Variants in SEZ6L2 observed in about 807,000 individuals in gnomAD.
The protein encoded by SEZ6L2 is seizure related 6 homolog like 2.
SEZ6L2 carries 44 observed loss-of-function variants against 97.0 expected under a neutral mutation model. The observed-to-expected ratio is 0.45, with a 90% CI of 0.36 to 0.58. The LOEUF is 0.58. Among genes scored for constraint, SEZ6L2 ranks in the 20% least tolerant of loss-of-function variants. The probability of loss-of-function intolerance (pLI) is 0.00; values close to 1 mark genes in which losing one functional copy is unlikely to be tolerated. For missense variants in SEZ6L2, 1,086 were observed against 1,233.3 expected (o/e 0.88, Z 1.79); for synonymous variants, 543 against 546.1 (o/e 0.99, Z 0.08).
chr16:29,872,137 G>C, intron 17 of SEZ6L2, 50 bp downstream of exon 17: 1 of 1,428,454 alleles, frequency 7.0e-7, no homozygotes, highest in Non-Finnish European at 9.6e-7. Flanking sequence ...AGGTTATGGA[G>C]TCCTGGGAGA....
chr16:29,882,834 G>T (rs1034022718), intron 8 of SEZ6L2, among the ~76,000 whole-genome samples: 2 of 151,962 alleles, frequency 1.3e-5, no homozygotes, highest in Admixed American at 6.6e-5. Context: ...AGGCTCAAGT[G>T]ATCCTCCCAT....
Position 29,871,505 on chromosome 16 carries a change from G to A in SEZ6L2, c.*194C>T. ...CTCGTTTGGCAACTGAGAAGAGGCG[G>A]CTTTGGGCGGCAGGATGCTGGTTTA... is the stretch of plus-strand genomic sequence containing the variant. On this transcript the variant is annotated 3_prime_UTR_variant, in exon 18 of 18. Transcript: ENST00000617533. 1.6e-6 allele frequency: 1 copy of A among 642,476 alleles called. No individual in the cohort carries two copies. The highest frequency in any genetic ancestry group is 2.8e-6 in the Non-Finnish European group (1 of 355,956). 39.8% of individuals were successfully genotyped at this position (642,476 alleles called of 1,614,324 possible). A position where few individuals can be genotyped will look rare whatever the true frequency, so the allele number is the denominator to read the frequency against.
intron 16 of SEZ6L2, 54 bp from the exon 17 acceptor site, chr16:29,872,337 C>T: frequency 1.2e-6 from 2 of 1,602,042 alleles, no homozygotes; most frequent in Non-Finnish European, 8.5e-7. Context: ...CCTGAGCTCC[C>T]CTGACCCAGG....
rs765978010 is a variant in SEZ6L2, at chr16:29,888,527, G to A, written c.1039+13C>T. ...CAGAACAGATGCCCCACCCACTGTG[G>A]CAGGAGACTCACCCATGCAGCTGGG... On this transcript the variant is annotated intron_variant, in intron 6 of 17. Transcript: ENST00000617533. 6.2e-7 allele frequency: 1 copy of A among 1,611,364 alleles called. No individual in the cohort carries two copies. Among genetic ancestry groups the A allele is most frequent in the Non-Finnish European group, 8.5e-7 (1 of 1,178,278 alleles).
chr16:29,876,140 G>T lies in SEZ6L2; in HGVS notation c.2104+616C>A, dbSNP rs1046623668. On this transcript the variant is annotated intron_variant, in intron 12 of 17. Coordinates refer to ENST00000617533, the MANE Select transcript of SEZ6L2 (RefSeq NM_001243332.2). The surrounding 1 kb of genome is among the most constrained non-coding windows in gnomAD (Gnocchi z 6.5). The stretch of plus-strand genomic sequence containing the variant: ...AAGCCTCAGAAATGCTAAGTGCCTC[G>T]CCCAAAGTCACCCAGTGATCACCAC... Among the ~76,000 whole-genome samples, 4 of 151,982 alleles carry T rather than the reference G, an allele frequency of 2.6e-5. No homozygotes were observed. Among genetic ancestry groups the T allele is most frequent in the Non-Finnish European group, 4.4e-5 (3 of 67,998 alleles).
intron 10 of SEZ6L2, 72 bp downstream of exon 10, chr16:29,878,215 A>G: frequency 1.4e-6 from 2 of 1,462,462 alleles, no homozygotes; most frequent in Non-Finnish European, 1.8e-6. Context: ...CTCAGAATGC[A>G]GGCTACTGCA....
Position 29,873,501 on chromosome 16 carries a change from T to A in SEZ6L2, c.2296+37A>T. 6.2e-7 allele frequency: 1 copy of A among 1,613,964 alleles called. No homozygotes were observed. The highest frequency in any genetic ancestry group is 8.5e-7 in the Non-Finnish European group (1 of 1,179,932). ...CGGGGCAGACGGGCTCTCCCAGGGC[T>A]ACCCAGCCACCCTCCCAGGGTGTGC... On this transcript the variant is annotated intron_variant, in intron 13 of 17. Coordinates refer to ENST00000617533, the MANE Select transcript of SEZ6L2 (RefSeq NM_001243332.2). This position sits in a 1 kb window ranked among gnomAD's most constrained non-coding sequence, Gnocchi z 4.3.
chr16:29,877,482 A>C lies in SEZ6L2; in HGVS notation c.1713-15T>G, dbSNP rs1436283483. ...GCACATTCAATCTGCAGGGGGTGAGACCAGGCAATGGGGCGGGGCTGCGAC... is the reference window on the plus strand; with the variant it reads ...GCACATTCAATCTGCAGGGGGTGAGCCCAGGCAATGGGGCGGGGCTGCGAC... On this transcript the variant is annotated splice_polypyrimidine_tract_variant and intron_variant, in intron 10 of 17. Transcript: ENST00000617533. The C allele has an allele frequency of 6.4e-7, 1 of 1,566,390 alleles. No homozygotes were observed. The highest frequency in any genetic ancestry group is 1.2e-5 in the South Asian group (1 of 83,654).
chr16:29,895,914 C>G (rs2068377434), intron 3 of SEZ6L2, 54 bp from the exon 4 acceptor site: 5 of 1,548,856 alleles, frequency 3.2e-6, no homozygotes, highest in Non-Finnish European at 3.5e-6. Flanking sequence ...TTTGCCCTCC[C>G]AGCCAAGCAA....
intron 12 of SEZ6L2, among the ~76,000 whole-genome samples, chr16:29,874,914 A>G (rs2067872089): frequency 6.6e-6 from 1 of 151,862 alleles, no homozygotes; most frequent in African/African-American, 2.4e-5. Flanking sequence ...TTGCTCTGTC[A>G]CTCAAGCTGG....
intron 2 of SEZ6L2, among the ~76,000 whole-genome samples, chr16:29,897,613 G>T (rs1199626096): frequency 3.0e-5 from 4 of 132,502 alleles, no homozygotes; most frequent in African/African-American, 1.2e-4. Flanking sequence ...GTTTCTATGT[G>T]TCTGTTTTTC....
chr16:29,895,828 C>T lies in SEZ6L2; in HGVS notation c.544G>A (p.Gly182Arg). The T allele has an allele frequency of 1.2e-6, 2 of 1,613,876 alleles. No homozygotes were observed. Among genetic ancestry groups the T allele is most frequent in the South Asian group, 2.2e-5 (2 of 91,004 alleles). Residue 182 changes from glycine (G) to arginine (R), a missense_variant, in exon 4 of 18, where the codon GGG becomes AGG. Gly to Arg is a moderately radical substitution (Grantham distance 125, BLOSUM62 -2). Around this residue, in one of 2 missense-constraint regions of SEZ6L2, gnomAD observed 776 missense variants for 794.7 expected, o/e 0.98. Coordinates refer to ENST00000617533, the MANE Select transcript of SEZ6L2 (RefSeq NM_001243332.2). ...LCNNNISEGE[G>R]YVESPDLGSP... The stretch of plus-strand genomic sequence containing the variant: ...CCCAGATCTGGAGACTCCACATACC[C>T]TTCGCCCTCGGAGATGTTGTTATTA...
intron 7 of SEZ6L2, chr16:29,886,072 C>T (rs8058919): frequency 0.027 from 5,478 of 199,668 alleles, 292 homozygotes; most frequent in African/African-American, 0.12. Context: ...ATGAAGATAG[C>T]AGATGCTTGA....
intron 4 of SEZ6L2, 111 bp downstream of exon 4, chr16:29,895,610 T>A (rs1457776522): frequency 7.0e-7 from 1 of 1,436,154 alleles, no homozygotes; most frequent in Non-Finnish European, 9.4e-7. Context: ...GTTTTTGAGG[T>A]CACCTGAGTC....
intron 5 of SEZ6L2, among the ~76,000 whole-genome samples, chr16:29,894,266 G>A (rs1314107675): frequency 6.6e-6 from 1 of 152,152 alleles, no homozygotes; most frequent in Non-Finnish European, 1.5e-5. Flanking sequence ...AGATCATGAG[G>A]CACAGAAAAG....
chr16:29,887,330 T>G (rs2068164914), intron 7 of SEZ6L2, among the ~76,000 whole-genome samples: 1 of 149,262 alleles, frequency 6.7e-6, no homozygotes, highest in African/African-American at 2.5e-5. Flanking sequence ...AGACGGAGTC[T>G]CATTCTGTCT....
At chr16:29,887,053 T>C (rs2068155911) in intron 7 of SEZ6L2, among the ~76,000 whole-genome samples, 1 of 151,728 alleles carries the variant, frequency 6.6e-6, no homozygotes, top group Non-Finnish European at 1.5e-5. Context: ...TGGTGGTGCA[T>C]GCCTGTAATC....
rs778736503 is a variant in SEZ6L2, at chr16:29,873,424, G to A, written c.2304C>T (p.Tyr768=). Reference sequence around the variant, plus strand: ...GAACCCCCGGGTTCAGGCACGGCTCGTACTTCACTGCGGGGAGCATGCCAG... The same window carrying A: ...GAACCCCCGGGTTCAGGCACGGCTCATACTTCACTGCGGGGAGCATGCCAG... ...SDRVPKCALK[Y]EPCLNPGVPE... is the part of the protein sequence containing the mutation. Residue 768 remains tyrosine, a synonymous_variant, in exon 14 of 18, where the codon TAC becomes TAT. Transcript: ENST00000617533. This position sits in a 1 kb window ranked among gnomAD's most constrained non-coding sequence, Gnocchi z 4.3. The A allele has an allele frequency of 4.0e-5, 64 of 1,614,092 alleles. 1 individual carries two copies. Among genetic ancestry groups the A allele is most frequent in the Non-Finnish European group, 5.0e-5 (59 of 1,180,048 alleles).
intron 5 of SEZ6L2, among the ~76,000 whole-genome samples, chr16:29,893,324 C>CAAATAAAT (rs746053606): frequency 1.3e-5 from 2 of 151,406 alleles, no homozygotes; most frequent in East Asian, 3.9e-4. Context: ...AACTCCATCT[C>CAAATAAAT]AAATAAATAA....
Sources: gnomAD v4.1 joint callset for allele counts (sites outside exome capture counted in the v4.1 genomes callset) on GRCh38, gnomAD v4.1.1 for gene constraint, gnomAD v4.1.1 regional missense constraint, Gnocchi (gnomAD v3.1) non-coding constraint, MANE v1.5 for transcripts, NCBI Gene and HGNC (gene_info 2026-07-23, HGNC 2026-07-21) for gene names.